SPHKAP: variants seen among roughly 807,000 people sequenced by gnomAD.
SPHKAP encodes SPHK1 interactor, AKAP domain containing, also known as A-kinase anchor protein SPHKAP.
Under a neutral mutation model 137.5 loss-of-function variants are expected in SPHKAP, and 67 were observed. The ratio of observed to expected loss-of-function variants is 0.49; its 90% CI spans 0.40 to 0.60. The LOEUF (loss-of-function observed/expected upper bound fraction) is 0.60, where lower values mean the gene tolerates loss of function less well. Among genes scored for constraint, SPHKAP ranks in the 20% least tolerant of loss-of-function variants. SPHKAP has a pLI of 0.00. For synonymous variants in SPHKAP, 813 were observed against 785.3 expected (o/e 1.04, Z -0.59); for missense variants, 2,097 against 2,069.3 (o/e 1.01, Z -0.26).
At chr2:228,139,107 A>C (rs957078606) in intron 1 of SPHKAP, among the ~76,000 whole-genome samples, 2 of 152,200 alleles carry the variant, frequency 1.3e-5, no homozygotes, top group Admixed American at 1.3e-4. Flanking sequence ...TTGATTATTA[A>C]AAGAAGATGA....
chr2:228,010,295 G>A (rs965620636), intron 7 of SPHKAP, among the ~76,000 whole-genome samples: 5 of 152,202 alleles, frequency 3.3e-5, no homozygotes, highest in Admixed American at 3.3e-4. Flanking sequence ...GGGAGGCAGA[G>A]GCAGGTGGAT....
chr2:228,179,890 C>T (rs186977202), intron 1 of SPHKAP, among the ~76,000 whole-genome samples: 3 of 152,014 alleles, frequency 2.0e-5, no homozygotes, highest in East Asian at 1.9e-4. Context: ...TCTGTAAAAC[C>T]GGATTAAAGC....
At chr2:228,139,893 CTTT>C (rs1043174192) in intron 1 of SPHKAP, among the ~76,000 whole-genome samples, 34 of 111,414 alleles carry the variant, frequency 3.1e-4, no homozygotes, top group African/African-American at 8.9e-4. Context: ...CCCTAGAGTT[CTTT>C]ATTTCTTTAT....
rs561744303 is a variant in SPHKAP, at chr2:227,980,702, T to C, written c.*1015A>G. The C allele has an allele frequency of 1.1e-4, 16 of 152,318 alleles. No individual in the cohort carries two copies. Among genetic ancestry groups the C allele is most frequent in the African/African-American group, 2.9e-4 (12 of 41,584 alleles). 9.4% of individuals were successfully genotyped at this position (152,318 alleles called of 1,614,324 possible). On this transcript the variant is annotated 3_prime_UTR_variant, in exon 12 of 12. Coordinates refer to ENST00000392056, the MANE Select transcript of SPHKAP (RefSeq NM_001142644.2). The stretch of plus-strand genomic sequence containing the variant: ...GACCATTACCCTGCTTCTGTCATTA[T>C]AAATGTCACTGGAGCGGCATGTCTG...
intron 3 of SPHKAP, among the ~76,000 whole-genome samples, chr2:228,059,650 A>G (rs1696568839): frequency 6.6e-6 from 1 of 152,244 alleles, no homozygotes; most frequent in African/African-American, 2.4e-5. Flanking sequence ...AGGTAACACG[A>G]AACTTAAATA....
chr2:228,006,397 C>T (rs1419529858), intron 7 of SPHKAP, among the ~76,000 whole-genome samples: 1 of 152,132 alleles, frequency 6.6e-6, no homozygotes, highest in Non-Finnish European at 1.5e-5. Context: ...TCATCAGGTC[C>T]TTTAAGGACT....
intron 3 of SPHKAP, among the ~76,000 whole-genome samples, chr2:228,031,264 G>C (rs1437438765): frequency 6.6e-6 from 1 of 152,212 alleles, no homozygotes; most frequent in Non-Finnish European, 1.5e-5. Context: ...GAGTCTCCCT[G>C]ATTGCTAGCA....
rs200013987 is a variant in SPHKAP at position 228,132,008 on chromosome 2, G to C, written c.110C>G (p.Pro37Arg). ...CTTACAGGCTGTGATGGAGTTCCCC[G>C]GGCCGCTTCCTGAGCTGCCACAGCC... ...GRGCGSSGSG[P>R]GNSITACKKV... The change falls in exon 2 of 12, where the codon CCG (proline) becomes CGG (arginine). Residue 37 changes from proline to arginine, a missense_variant. Pro to Arg is a moderately radical substitution (Grantham distance 103). Transcript: ENST00000392056. 4 of 1,613,860 alleles carry C rather than the reference G, an allele frequency of 2.5e-6. No individual in the cohort carries two copies. The African/African-American group carries it at 5.3e-5, about 22-fold the overall frequency.
At chr2:228,061,526 C>T (rs546453105) in intron 3 of SPHKAP, among the ~76,000 whole-genome samples, 12 of 152,170 alleles carry the variant, frequency 7.9e-5, no homozygotes, top group Admixed American at 6.5e-4. Flanking sequence ...CCTGTCTTGG[C>T]CTCCCAAAGT....
At chr2:228,150,641 T>C (rs1699901361) in intron 1 of SPHKAP, among the ~76,000 whole-genome samples, 1 of 152,056 alleles carries the variant, frequency 6.6e-6, no homozygotes, top group Non-Finnish European at 1.5e-5. Flanking sequence ...TTCATTTTTA[T>C]CATTGTTTTA....
chr2:228,017,886 T>G lies in SPHKAP; in HGVS notation c.2968A>C (p.Thr990Pro), dbSNP rs768513252. The change falls in exon 7 of 12, where the codon ACC (threonine) becomes CCC (proline). Residue 990 changes from threonine to proline, a missense_variant. Physicochemically the swap from Thr to Pro is conservative, Grantham distance 38. Coordinates refer to ENST00000392056, the MANE Select transcript of SPHKAP (RefSeq NM_001142644.2). ...KRKKESQGSG[T>P]AVRKHKPPRL... ...GGAGGCTTGTGTTTCCTCACAGCGG[T>G]CCCGCTCCCCTGGCTCTCTTTCTTC... 3.7e-6 allele frequency: 6 copies of G among 1,613,974 alleles called. No homozygotes were observed. The East Asian group carries it at 8.9e-5, about 24-fold the overall frequency.
At chr2:228,099,336 G>C (rs1698110730) in intron 3 of SPHKAP, among the ~76,000 whole-genome samples, 1 of 152,158 alleles carries the variant, frequency 6.6e-6, no homozygotes, top group South Asian at 2.1e-4. Context: ...GATGGTGGTA[G>C]ATGTGCAGCT....
chr2:228,087,218 C>T (rs1373395918), intron 3 of SPHKAP, among the ~76,000 whole-genome samples: 3 of 152,230 alleles, frequency 2.0e-5, no homozygotes, highest in South Asian at 4.1e-4. Flanking sequence ...CTTCACACTG[C>T]ATTGGGGAAA....
At chr2:228,045,571 G>A (rs1696011805) in intron 3 of SPHKAP, among the ~76,000 whole-genome samples, 1 of 151,870 alleles carries the variant, frequency 6.6e-6, no homozygotes, top group Non-Finnish European at 1.5e-5. Context: ...ACACACGAAG[G>A]GGAACATCAC....
At chr2:228,169,279 A>T (rs1574915699) in intron 1 of SPHKAP, among the ~76,000 whole-genome samples, 1 of 152,172 alleles carries the variant, frequency 6.6e-6, no homozygotes, top group South Asian at 2.1e-4. Context: ...ACATTAGAAC[A>T]AGATGCCATC....
chr2:228,020,604 T>A (rs1258699126), intron 6 of SPHKAP, among the ~76,000 whole-genome samples: 2 of 152,012 alleles, frequency 1.3e-5, no homozygotes, highest in Non-Finnish European at 2.9e-5. Flanking sequence ...CATTAGGAGA[T>A]ATACCTAATG....
chr2:228,137,427 T>C (rs936732890), intron 1 of SPHKAP, among the ~76,000 whole-genome samples: 10 of 152,344 alleles, frequency 6.6e-5, no homozygotes, highest in South Asian at 2.1e-4. Context: ...TCTGAGAAGA[T>C]AATTTAAAGA....
At chr2:228,078,912 G>C (rs1355237044) in intron 3 of SPHKAP, among the ~76,000 whole-genome samples, 9 of 152,024 alleles carry the variant, frequency 5.9e-5, no homozygotes, top group Admixed American at 5.9e-4. Context: ...ACCCACGAAC[G>C]GAGCCTCCAG....
At chr2:228,013,398 C>T (rs1471334696) in intron 7 of SPHKAP, among the ~76,000 whole-genome samples, 2 of 152,150 alleles carry the variant, frequency 1.3e-5, no homozygotes, top group African/African-American at 4.8e-5. Context: ...AGGTGCCCTC[C>T]ACCACACCTG....
Sources: gnomAD v4.1 joint callset for allele counts (sites outside exome capture counted in the v4.1 genomes callset) on GRCh38, gnomAD v4.1.1 for gene constraint, MANE v1.5 for transcripts, NCBI Gene and HGNC (gene_info 2026-07-23, HGNC 2026-07-21) for gene names.